OR4E2: variants seen among roughly 807,000 people sequenced by gnomAD.
OR4E2 encodes olfactory receptor 4E2.
A neutral mutation model predicts 11.0 loss-of-function variants in OR4E2; 9 were observed. That is an observed-to-expected ratio of 0.82 (90% CI 0.49 to 1.43). The LOEUF is 1.43. Among genes scored for constraint, OR4E2 ranks in the 40% most tolerant of loss-of-function variants. The pLI is 0.00. For synonymous variants in OR4E2, 159 were observed against 147.3 expected, an observed-to-expected ratio of 1.08 and a Z score of -0.57; for missense variants, 441 against 382.0, an observed-to-expected ratio of 1.15 and a Z score of -1.29.
chr14:21,660,246 T>A (rs1880242782), intron 2 of OR4E2, among the ~76,000 whole-genome samples: 1 of 152,138 alleles, frequency 6.6e-6, no homozygotes, highest in Non-Finnish European at 1.5e-5. Context: ...GATTGAGGAT[T>A]TAATGCCAAG....
chr14:21,654,402 G>A (rs913362305), intron 1 of OR4E2, among the ~76,000 whole-genome samples: 2 of 118,696 alleles, frequency 1.7e-5, no homozygotes, highest in East Asian at 4.2e-4. Context: ...ACACACGCAT[G>A]CACACACACA....
intron 2 of OR4E2, among the ~76,000 whole-genome samples, chr14:21,657,337 G>GCTTCCTTCCTTCCTTCCTTCCTTC (rs544921356): frequency 1.4e-4 from 16 of 112,492 alleles, no homozygotes; most frequent in African/African-American, 3.4e-4. Context: ...GATGTTAAAT[G>GCTTCCTTCCTTCCTTCCTTCCTTC]CTTCCTTCCT....
chr14:21,658,869 T>G (rs1880162696), intron 2 of OR4E2, among the ~76,000 whole-genome samples: 1 of 152,054 alleles, frequency 6.6e-6, no homozygotes, highest in African/African-American at 2.4e-5. Flanking sequence ...TACTGATGTC[T>G]AGTGGGGATT....
chr14:21,654,714 T>C (rs1247778127), intron 1 of OR4E2, among the ~76,000 whole-genome samples: 4 of 150,642 alleles, frequency 2.7e-5, no homozygotes, highest in African/African-American at 9.8e-5. Context: ...TGTTCAAGAG[T>C]CAACTGTGTG....
At position 21,666,044 on chromosome 14, in the gene OR4E2, C is replaced by T. The variant is rs777160527; in HGVS notation, c.*20C>T. 3 of 1,535,716 alleles carry T rather than the reference C, an allele frequency of 2.0e-6. No homozygotes were observed. In the East Asian group the frequency reaches 6.8e-5, roughly 35 times the overall value. On this transcript the variant is annotated 3_prime_UTR_variant, in exon 4 of 4. Transcript: ENST00000641524. ...ACATAATGGGCACTGGGATTGCAGA[C>T]ATAATTGCAGCCACATCCTTAATGA...
chr14:21,660,663 G>A lies in OR4E2; in HGVS notation c.-92G>A, dbSNP rs191052046. On this transcript the variant is annotated 5_prime_UTR_variant, in exon 3 of 4. Coordinates refer to ENST00000641524, the MANE Select transcript of OR4E2 (RefSeq NM_001001912.3). ...TTTTTTTTTTTAAAGATGGCATCTCGCTGTGCTGCCTAGGCAGACCTTGAA... is the reference window on the plus strand; with the variant it reads ...TTTTTTTTTTTAAAGATGGCATCTCACTGTGCTGCCTAGGCAGACCTTGAA... The A allele has an allele frequency of 2.7e-5, 4 of 148,482 alleles. No homozygotes were observed. Among genetic ancestry groups the A allele is most frequent in the African/African-American group, 5.0e-5 (2 of 40,106 alleles). The allele number at this position is 148,482 out of a possible 1,614,324, so 9.2% of individuals were successfully genotyped here.
In OR4E2 at chr14:21,665,479, C is replaced by T; in HGVS notation, c.397C>T (p.Pro133Ser). 2.5e-6 allele frequency: 4 copies of T among 1,614,138 alleles called. No homozygotes were observed. The highest frequency in any genetic ancestry group is 2.2e-5 in the South Asian group (2 of 91,078). ...YVAICTPLHYPNVMNMRVCIQ... is the reference protein window; with the variant it reads ...YVAICTPLHYSNVMNMRVCIQ... ...GGCTATCTGCACTCCACTCCACTAC[C>T]CCAATGTGATGAACATGAGAGTCTG... The change falls in exon 4 of 4, where the codon CCC becomes TCC. Residue 133 changes from proline to serine, a missense_variant. Pro to Ser is a moderately conservative substitution (Grantham distance 74). Transcript: ENST00000641524.
At position 21,666,012 on chromosome 14, in the gene OR4E2, A is replaced by G. The variant is rs1455528917; in HGVS notation, c.930A>G (p.Lys310=). 1.8e-5 allele frequency: 29 copies of G among 1,612,204 alleles called. No individual in the cohort carries two copies. In the Admixed American group the frequency reaches 4.8e-4, roughly 27 times the overall value. Residue 310 remains lysine (K), a synonymous_variant, in exon 4 of 4, where the codon AAA becomes AAG. Coordinates refer to ENST00000641524, the MANE Select transcript of OR4E2 (RefSeq NM_001001912.3). The part of the protein sequence containing the change: ...QLRQRQVFFT[K]SYT Reference sequence around the variant, plus strand: ...GGCAGAGACAAGTTTTTTTCACGAAATCATATACATAATGGGCACTGGGAT... The same window carrying G: ...GGCAGAGACAAGTTTTTTTCACGAAGTCATATACATAATGGGCACTGGGAT...
chr14:21,662,862 G>A (rs1880411475), intron 3 of OR4E2, among the ~76,000 whole-genome samples: 1 of 152,064 alleles, frequency 6.6e-6, no homozygotes, highest in South Asian at 2.1e-4. Context: ...GCTTACAAGT[G>A]AAATAATTGG....
chr14:21,660,770 G>A (rs1880278741), intron 3 of OR4E2, 24 bp downstream of exon 3: 1 of 151,936 alleles, frequency 6.6e-6, no homozygotes, highest in South Asian at 2.1e-4. Context: ...CACCCAGCTT[G>A]ACCTATGTTT....
intron 3 of OR4E2, among the ~76,000 whole-genome samples, chr14:21,662,213 T>A (rs1880365347): frequency 6.6e-6 from 1 of 151,974 alleles, no homozygotes; most frequent in Non-Finnish European, 1.5e-5. Flanking sequence ...ATAACAGGAG[T>A]ATTCTTTTTT....
rs767119510 is a variant in OR4E2 at position 21,665,572 on chromosome 14, A to G, written c.490A>G (p.Ile164Val). The change falls in exon 4 of 4, where the codon ATT (isoleucine) becomes GTT (valine). Residue 164 changes from isoleucine to valine, a missense_variant. Transcript: ENST00000641524. ...VHSLGQTFLT[I>V]RLPYCGPNII... ...CTCACTAGGGCAGACCTTCTTGACT[A>G]TTCGTCTACCTTACTGTGGCCCCAA... 2 of 1,614,040 alleles carry G rather than the reference A, an allele frequency of 1.2e-6. No individual in the cohort carries two copies. Among genetic ancestry groups the G allele is most frequent in the Non-Finnish European group, 1.7e-6 (2 of 1,180,000 alleles).
At chr14:21,659,166 G>A (rs1003642508) in intron 2 of OR4E2, among the ~76,000 whole-genome samples, 3 of 151,942 alleles carry the variant, frequency 2.0e-5, no homozygotes, top group African/African-American at 7.3e-5. Flanking sequence ...CTCTGGAGTA[G>A]CTAGGACTAT....
chr14:21,665,336 T>G lies in OR4E2; in HGVS notation c.254T>G (p.Leu85Trp). 6.2e-7 allele frequency: 1 copy of G among 1,614,176 alleles called. No individual in the cohort carries two copies. Among genetic ancestry groups the G allele is most frequent in the Non-Finnish European group, 8.5e-7 (1 of 1,180,020 alleles). Residue 85 changes from leucine to tryptophan, a missense_variant, in exon 4 of 4, where the codon TTG becomes TGG. Coordinates refer to ENST00000641524, the MANE Select transcript of OR4E2 (RefSeq NM_001001912.3). ...SVTVPKMLEG[L>W]LLERKTISFD... ...ACTGTGCCTAAGATGTTGGAGGGTT[T>G]GCTTTTAGAAAGAAAGACCATTTCC...
Position 21,665,462 on chromosome 14 carries a change from G to GCACTC in OR4E2, c.390_394dup (p.Tyr132SerfsTer6). 1 of 1,614,018 alleles carries GCACTC rather than the reference G, an allele frequency of 6.2e-7. No homozygotes were observed. The highest frequency in any genetic ancestry group is 8.5e-7 in the Non-Finnish European group (1 of 1,179,974). On this transcript the variant is annotated frameshift_variant, in exon 4 of 4. Transcript: ENST00000641524. LOFTEE classifies it high-confidence loss of function. ...GCGTATGATCGTTACGTGGCTATCT[G>GCACTC]CACTCCACTCCACTACCCCAATGTG...
intron 3 of OR4E2, among the ~76,000 whole-genome samples, chr14:21,664,654 G>T (rs10138803): frequency 0.49 from 73,879 of 152,014 alleles, 18,300 homozygotes; most frequent in South Asian, 0.69. Context: ...AAAATGTGCA[G>T]CAGACTGTTG....
chr14:21,659,492 G>GT (rs1043049696), intron 2 of OR4E2, among the ~76,000 whole-genome samples: 7 of 152,024 alleles, frequency 4.6e-5, no homozygotes, highest in African/African-American at 1.2e-4. Flanking sequence ...CCCATTTTAT[G>GT]TTTTTTTCTT....
chr14:21,657,255 G>A (rs1594542920), intron 2 of OR4E2, among the ~76,000 whole-genome samples: 1 of 151,870 alleles, frequency 6.6e-6, no homozygotes, highest in Non-Finnish European at 1.5e-5. Flanking sequence ...TGCTCCTCTG[G>A]GATTTCTTAC....
chr14:21,663,208 G>A (rs1031239928), intron 3 of OR4E2, among the ~76,000 whole-genome samples: 3 of 152,142 alleles, frequency 2.0e-5, no homozygotes, highest in Non-Finnish European at 2.9e-5. Flanking sequence ...GTCTGGGCGC[G>A]GTGGCTCACG....
Sources: gnomAD v4.1 joint callset for allele counts (sites outside exome capture counted in the v4.1 genomes callset) on GRCh38, gnomAD v4.1.1 for gene constraint, MANE v1.5 for transcripts, NCBI Gene and HGNC (gene_info 2026-07-23, HGNC 2026-07-21) for gene names.